FAM83F: variants seen among roughly 807,000 people sequenced by gnomAD.
FAM83F encodes scaffolding CK1 anchoring protein F, also known as protein FAM83F.
In FAM83F, 45 loss-of-function variants were observed where a neutral mutation model predicts 42.9. The observed-to-expected ratio is 1.05, with a 90% confidence interval of 0.83 to 1.35. FAM83F has a LOEUF of 1.35. FAM83F is among the 40% of genes most tolerant of loss of function. FAM83F has a pLI of 0.00. For missense variants in FAM83F, 617 were observed against 695.9 expected (o/e 0.89, Z 1.28); for synonymous variants, 306 against 298.3 (o/e 1.03, Z -0.27).
rs940094573 is a variant in FAM83F at position 40,039,587 on chromosome 22, C to A, written c.*10022C>A. Reference sequence around the variant, plus strand: ...AGGGTGGAGATGGAGAGATAGAATTCTCATCTTAGAGGTGAAAGTAGGATA... The same window carrying A: ...AGGGTGGAGATGGAGAGATAGAATTATCATCTTAGAGGTGAAAGTAGGATA... On this transcript the variant is annotated 3_prime_UTR_variant, in exon 5 of 5. Transcript: ENST00000333407. 2.6e-5 allele frequency: 4 copies of A among 152,202 alleles called. No homozygotes were observed. Among genetic ancestry groups the A allele is most frequent in the African/African-American group, 7.2e-5 (3 of 41,446 alleles). 9.4% of individuals were successfully genotyped at this position (152,202 alleles called of 1,614,324 possible).
chr22:40,014,043 CTTTA>C (rs934934545), intron 1 of FAM83F, among the ~76,000 whole-genome samples: 5 of 148,820 alleles, frequency 3.4e-5, no homozygotes, highest in Non-Finnish European at 7.4e-5. Context: ...TTGCTTTTTT[CTTTA>C]TTCTACTGGA....
intron 1 of FAM83F, chr22:39,999,024 T>A (rs2067384416): frequency 6.6e-6 from 1 of 152,248 alleles, no homozygotes. Context: ...GGATTGTGCA[T>A]CCGTTTGACC....
At position 40,033,732 on chromosome 22, in the gene FAM83F, G is replaced by T. The variant is rs1049824247; in HGVS notation, c.*4167G>T. 6.6e-6 allele frequency: 1 copy of T among 152,176 alleles called. No homozygotes were observed. The highest frequency in any genetic ancestry group is 2.4e-5 in the African/African-American group (1 of 41,428). The allele number at this position is 152,176 out of a possible 1,614,324, so 9.4% of individuals were successfully genotyped here. A position where few individuals can be genotyped will look rare whatever the true frequency, so the allele number is the denominator to read the frequency against. ...AGTCCTGACCTGGTGGCCTGCACAG[G>T]CCACTTCTCCGAAGTGTTTCAATGC... On this transcript the variant is annotated 3_prime_UTR_variant, in exon 5 of 5. Coordinates refer to ENST00000333407, the MANE Select transcript of FAM83F (RefSeq NM_138435.4).
In FAM83F at chr22:40,019,914, G is replaced by T. The variant is rs775091896; in HGVS notation, c.685G>T (p.Val229Phe). 1.9e-6 allele frequency: 3 copies of T among 1,613,076 alleles called. No homozygotes were observed. Among genetic ancestry groups the T allele is most frequent in the Non-Finnish European group, 8.5e-7 (1 of 1,179,550 alleles). Residue 229 changes from valine to phenylalanine, a missense_variant, in exon 3 of 5, where the codon GTC becomes TTC. By Grantham distance (50) the Val-to-Phe change is conservative (BLOSUM62 -1). Transcript: ENST00000333407. ...CATCCGTGTCCGCTCTGTGACAGGC[G>T]TCGGCTTCTACATGCCCATGGGGAG... ...RNIRVRSVTG[V>F]GFYMPMGRIK... is the part of the protein sequence containing the mutation.
At position 40,021,388 on chromosome 22, in the gene FAM83F, C is replaced by T. The variant is rs2067519777; in HGVS notation, c.878C>T (p.Ala293Val). 9 of 1,613,428 alleles carry T rather than the reference C, an allele frequency of 5.6e-6. No homozygotes were observed. The East Asian group carries it at 2.0e-4, about 36-fold the overall frequency. Residue 293 changes from alanine (A) to valine (V), a missense_variant, in exon 4 of 5, where the codon GCC becomes GTC. Ala to Val is a moderately conservative substitution (Grantham distance 64). Coordinates refer to ENST00000333407, the MANE Select transcript of FAM83F (RefSeq NM_138435.4). This position sits in a 1 kb window ranked among gnomAD's most constrained non-coding sequence, Gnocchi z 8.7. ...GACACGGAGTTCCGGGAGCTGTACG[C>T]CATCTCCGAGGAGGTGGACTTGTAC... ...PFDTEFRELY[A>V]ISEEVDLYRQ...
In FAM83F at chr22:40,021,593, C is replaced by A; in HGVS notation, c.1083C>A (p.Gly361=). The part of the protein sequence containing the change: ...AGGNPEGQEE[G]ASGGESAWRL... ...GCAACCCGGAGGGGCAGGAGGAGGG[C>A]GCCAGCGGTGGCGAGTCGGCCTGGC... Residue 361 remains glycine (G), a synonymous_variant, in exon 4 of 5, where the codon GGC becomes GGA. Transcript: ENST00000333407. This position sits in a 1 kb window ranked among gnomAD's most constrained non-coding sequence, Gnocchi z 8.7. 6.3e-7 allele frequency: 1 copy of A among 1,575,758 alleles called. No individual in the cohort carries two copies. The highest frequency in any genetic ancestry group is 1.1e-5 in the South Asian group (1 of 86,998).
intron 4 of FAM83F, among the ~76,000 whole-genome samples, chr22:40,026,323 A>T (rs1202169737): frequency 2.6e-5 from 4 of 152,188 alleles, no homozygotes; most frequent in Non-Finnish European, 4.4e-5. Context: ...GATCGAGATC[A>T]TCCTGGCTAA....
In FAM83F at chr22:40,035,487, T is replaced by C. The variant is rs975617825; in HGVS notation, c.*5922T>C. The C allele has an allele frequency of 2.0e-5, 3 of 152,334 alleles. No homozygotes were observed. Among genetic ancestry groups the C allele is most frequent in the Non-Finnish European group, 2.9e-5 (2 of 68,030 alleles). The allele number at this position is 152,334 out of a possible 1,614,324, so 9.4% of individuals were successfully genotyped here. On this transcript the variant is annotated 3_prime_UTR_variant, in exon 5 of 5. Coordinates refer to ENST00000333407, the MANE Select transcript of FAM83F (RefSeq NM_138435.4). ...GTTAGGCGACTGCACAGGGAAAGGT[T>C]CGCTGCAGTGCTTGCAGGCCTGCAC...
rs1325835807 is a variant in FAM83F, at chr22:40,037,492, A to T, written c.*7927A>T. 1 of 151,992 alleles carries T rather than the reference A, an allele frequency of 6.6e-6. No homozygotes were observed. The highest frequency in any genetic ancestry group is 2.4e-5 in the African/African-American group (1 of 41,362). 9.4% of individuals were successfully genotyped at this position (151,992 alleles called of 1,614,324 possible). A position where few individuals can be genotyped will look rare whatever the true frequency, so the allele number is the denominator to read the frequency against. On this transcript the variant is annotated 3_prime_UTR_variant, in exon 5 of 5. Transcript: ENST00000333407. ...GGCTTGCTGACCTCTGGCCTAGGAC[A>T]CCTCTCCTTTATGCCTCCGCTCCCA...
At chr22:39,998,257 G>C (rs927215188) in intron 1 of FAM83F, among the ~76,000 whole-genome samples, 1 of 152,168 alleles carries the variant, frequency 6.6e-6, no homozygotes, top group African/African-American at 2.4e-5. Context: ...GCAGGGACAC[G>C]GGGGAACTGC....
At chr22:40,008,727 T>C (rs1057307856) in intron 1 of FAM83F, among the ~76,000 whole-genome samples, 2 of 152,194 alleles carry the variant, frequency 1.3e-5, no homozygotes, top group Non-Finnish European at 1.5e-5. Flanking sequence ...GCATCTTCAA[T>C]ACGCATACCC....
chr22:40,010,042 A>G (rs1341921084), intron 1 of FAM83F: 4 of 152,184 alleles, frequency 2.6e-5, no homozygotes, highest in African/African-American at 7.2e-5. Context: ...CTGTCTGCCA[A>G]TGCGCCTGCG....
chr22:40,007,273 TTCCTCCTTTC>T, intron 1 of FAM83F, among the ~76,000 whole-genome samples: 1 of 111,034 alleles, frequency 9.0e-6, no homozygotes, highest in Non-Finnish European at 1.9e-5. Context: ...TCCTCCTCTC[TTCCTCCTTTC>T]CTCCTCTCCT....
Position 39,995,486 on chromosome 22 carries a change from G to A in FAM83F, c.444G>A (p.Pro148=). The change falls in exon 1 of 5, where the codon CCG becomes CCA. Residue 148 remains proline (P), a synonymous_variant. Coordinates refer to ENST00000333407, the MANE Select transcript of FAM83F (RefSeq NM_138435.4). This position sits in a 1 kb window ranked among gnomAD's most constrained non-coding sequence, Gnocchi z 4.6. ...ACCCGCCCAAGGACGAGAAGGCGCC[G>A]CACCTCAAGCAGGTGGTCAGGCAGA... ...FTHPPKDEKA[P]HLKQVVRQMI... is the part of the protein sequence containing the mutation. The A allele has an allele frequency of 6.3e-7, 1 of 1,577,990 alleles. No homozygotes were observed. The highest frequency in any genetic ancestry group is 1.8e-5 in the Admixed American group (1 of 55,856).
intron 1 of FAM83F, among the ~76,000 whole-genome samples, chr22:40,003,820 C>T (rs2067414049): frequency 6.6e-6 from 1 of 152,180 alleles, no homozygotes; most frequent in Admixed American, 6.5e-5. Context: ...CGCCGGGGCA[C>T]AGCTTGCACG....
chr22:39,997,121 T>G (rs1196865248), intron 1 of FAM83F, among the ~76,000 whole-genome samples: 1 of 152,250 alleles, frequency 6.6e-6, no homozygotes, highest in East Asian at 1.9e-4. Flanking sequence ...TGCCAGAGTT[T>G]CCATAGCTAG....
chr22:40,008,608 C>T lies in FAM83F; in HGVS notation c.490-10560C>T, dbSNP rs558354722. On this transcript the variant is annotated intron_variant, in intron 1 of 4. Transcript: ENST00000333407. ...TTCACTCAAAGTGGGACGTCCCCCTCGTGCATTCAAGTGACCTGAGTGGGG... is the reference window on the plus strand; with the variant it reads ...TTCACTCAAAGTGGGACGTCCCCCTTGTGCATTCAAGTGACCTGAGTGGGG... Among the ~76,000 whole-genome samples, 50 of 152,304 alleles carry T rather than the reference C, an allele frequency of 3.3e-4. No homozygotes were observed. The South Asian group carries it at 9.7e-3, about 30-fold the overall frequency.
chr22:40,027,785 G>A (rs1331554712), intron 4 of FAM83F, among the ~76,000 whole-genome samples: 1 of 152,236 alleles, frequency 6.6e-6, no homozygotes, highest in African/African-American at 2.4e-5. Context: ...CCCTGCCCCT[G>A]CCTTGCCAGG....
intron 1 of FAM83F, among the ~76,000 whole-genome samples, chr22:40,010,456 AGAT>A (rs1206752841): frequency 1.3e-5 from 2 of 152,014 alleles, no homozygotes; most frequent in Non-Finnish European, 2.9e-5. Context: ...TTTCTACTTC[AGAT>A]ATTTCATTGT....
Sources: gnomAD v4.1 joint callset for allele counts (sites outside exome capture counted in the v4.1 genomes callset) on GRCh38, gnomAD v4.1.1 for gene constraint, Gnocchi (gnomAD v3.1) non-coding constraint, MANE v1.5 for transcripts, NCBI Gene and HGNC (gene_info 2026-07-23, HGNC 2026-07-21) for gene names.